Variants in ZC3H12B observed in about 807,000 individuals in gnomAD.
ZC3H12B encodes the protein zinc finger CCCH-type containing 12B.
A neutral mutation model predicts 43.9 loss-of-function variants in ZC3H12B; 7 were observed. That is an observed-to-expected ratio of 0.16 (90% CI 0.09 to 0.30). The LOEUF (loss-of-function observed/expected upper bound fraction) is 0.30. Ranked by LOEUF, ZC3H12B falls within the 10% of genes least tolerant of loss-of-function variation. The pLI is 1.00. For missense variants in ZC3H12B, 475 were observed against 670.2 expected (o/e 0.71, Z 3.22); for synonymous variants, 222 against 241.7 (o/e 0.92, Z 0.76).
chrX:65,457,375 C>A (rs2067640948), intron 3 of ZC3H12B, among the ~76,000 whole-genome samples: 1 of 52,490 alleles, frequency 1.9e-5, no homozygotes, highest in African/African-American at 1.4e-4. Flanking sequence ...GCGCCTCTGC[C>A]CGGCCGCCCC....
At chrX:65,254,980 T>C in the ZC3H12B span, among the ~76,000 whole-genome samples, 1 of 110,349 alleles carries the variant, frequency 9.1e-6, no homozygotes, top group African/African-American at 3.3e-5. Flanking sequence ...GAAGAAAAGT[T>C]CTCTGACATA....
chrX:65,308,827 A>C, the ZC3H12B span, among the ~76,000 whole-genome samples: 2 of 112,375 alleles, frequency 1.8e-5, no homozygotes, highest in African/African-American at 3.2e-5. Flanking sequence ...ACTCAGAATT[A>C]AGAAACTCAC....
the ZC3H12B span, among the ~76,000 whole-genome samples, chrX:65,073,500 A>G: frequency 8.9e-6 from 1 of 112,143 alleles, no homozygotes; most frequent in Non-Finnish European, 1.9e-5. Flanking sequence ...GGGTGTTCAG[A>G]TTGGACTGGT....
chrX:65,189,913 G>T, the ZC3H12B span, among the ~76,000 whole-genome samples: 1 of 107,985 alleles, frequency 9.3e-6, no homozygotes, highest in African/African-American at 3.6e-5. Flanking sequence ...TTTTCTTCTA[G>T]GGTTTTTATG....
At chrX:65,190,751 C>G in the ZC3H12B span, among the ~76,000 whole-genome samples, 2 of 107,517 alleles carry the variant, frequency 1.9e-5, no homozygotes, top group African/African-American at 3.4e-5. Flanking sequence ...CAAACAGGGA[C>G]AATTTGACTT....
chrX:65,328,106 G>C, the ZC3H12B span: 6 of 246,092 alleles, frequency 2.4e-5, no homozygotes, highest in South Asian at 1.8e-4. Context: ...CAGTAATAAA[G>C]CAAGGCTTTT....
chrX:65,195,962 C>T, the ZC3H12B span, among the ~76,000 whole-genome samples: 12 of 111,948 alleles, frequency 1.1e-4, no homozygotes, highest in Non-Finnish European at 2.3e-4. Context: ...AAATGCAAGC[C>T]TCACTTTTTG....
the ZC3H12B span, among the ~76,000 whole-genome samples, chrX:65,304,753 AT>A: frequency 8.9e-6 from 1 of 112,241 alleles, no homozygotes; most frequent in African/African-American, 3.2e-5. Flanking sequence ...ATGGGGAATA[AT>A]TTTTGTGTTA....
the ZC3H12B span, among the ~76,000 whole-genome samples, chrX:65,275,706 C>G: frequency 8.9e-6 from 1 of 112,262 alleles, no homozygotes; most frequent in South Asian, 3.6e-4. Context: ...ATCTCTTTTC[C>G]TACAAAATGT....
At chrX:65,386,761 C>A (rs1254826355) in intron 2 of ZC3H12B, among the ~76,000 whole-genome samples, 1 of 111,036 alleles carries the variant, frequency 9.0e-6, no homozygotes, top group Non-Finnish European at 1.9e-5. Flanking sequence ...TGGATCTTTC[C>A]CGCTTTCTCT....
chrX:65,422,587 G>A (rs2067031681), intron 3 of ZC3H12B, among the ~76,000 whole-genome samples: 1 of 110,164 alleles, frequency 9.1e-6, no homozygotes. Context: ...TGCAGAACGT[G>A]CAGGTTTGTT....
chrX:65,360,839 A>G, the ZC3H12B span, among the ~76,000 whole-genome samples: 10 of 112,449 alleles, frequency 8.9e-5, no homozygotes, highest in Non-Finnish European at 1.7e-4. Context: ...GCATTCTATC[A>G]GGCAGAAGAA....
At chrX:65,404,183 G>A (rs1224739344) in intron 3 of ZC3H12B, among the ~76,000 whole-genome samples, 1 of 111,500 alleles carries the variant, frequency 9.0e-6, no homozygotes, top group African/African-American at 3.3e-5. Flanking sequence ...CGGGTTATAA[G>A]ATAGCAGGTG....
the ZC3H12B span, among the ~76,000 whole-genome samples, chrX:65,291,486 A>G: frequency 1.8e-5 from 2 of 112,243 alleles, no homozygotes; most frequent in African/African-American, 6.4e-5. Flanking sequence ...GAATGCTGCC[A>G]TATGTGACAA....
upstream of ZC3H12B, among the ~76,000 whole-genome samples, chrX:65,488,020 C>T (rs1259804268): frequency 3.6e-5 from 4 of 111,242 alleles, no homozygotes; most frequent in Non-Finnish European, 7.5e-5. Flanking sequence ...TATAGGCGTC[C>T]GTCACCATGC....
the ZC3H12B span, among the ~76,000 whole-genome samples, chrX:65,100,358 A>G: frequency 2.5e-4 from 27 of 108,331 alleles, no homozygotes; most frequent in Middle Eastern, 4.8e-3. Context: ...AAGACAGGCC[A>G]ACATTCAAAT....
the ZC3H12B span, among the ~76,000 whole-genome samples, chrX:65,054,891 C>T: frequency 9.0e-6 from 1 of 111,221 alleles, no homozygotes. Flanking sequence ...CTCTGTTTGT[C>T]TGTTATTGAT....
chrX:65,054,889 G>T, the ZC3H12B span, among the ~76,000 whole-genome samples: 1 of 111,293 alleles, frequency 9.0e-6, no homozygotes, highest in East Asian at 2.8e-4. Context: ...CTCTCTGTTT[G>T]TCTGTTATTG....
chrX:65,166,101 T>C, the ZC3H12B span, among the ~76,000 whole-genome samples: 1 of 111,281 alleles, frequency 9.0e-6, no homozygotes, highest in African/African-American at 3.3e-5. Context: ...AATGCGCAGG[T>C]TTGTTACATA....
Sources: allele counts gnomAD v4.1 joint callset (sites outside exome capture counted in the v4.1 genomes callset), GRCh38; gene constraint gnomAD v4.1.1; transcripts MANE v1.5; gene names NCBI Gene and HGNC (gene_info 2026-07-23, HGNC 2026-07-21).